CACNA1D: variants seen among roughly 807,000 people sequenced by gnomAD.
CACNA1D encodes the protein voltage-dependent L-type calcium channel subunit alpha-1D.
CACNA1D carries 55 observed loss-of-function variants against 257.1 expected under a neutral mutation model. The observed-to-expected ratio is 0.21, with a 90% CI of 0.17 to 0.27. The LOEUF (loss-of-function observed/expected upper bound fraction) is 0.27. Among genes scored for constraint, CACNA1D ranks in the 10% least tolerant of loss-of-function variants. The pLI, the probability that CACNA1D is intolerant of heterozygous loss-of-function variation, is 1.00. For missense variants in CACNA1D, 1,876 were observed against 2,784.0 expected (o/e 0.67, Z 7.34); for synonymous variants, 980 against 1,014.9 (o/e 0.97, Z 0.65).
intron 44 of CACNA1D, among the ~76,000 whole-genome samples, chr3:53,804,127 G>A (rs146415536): frequency 3.3e-5 from 5 of 152,330 alleles, no homozygotes; most frequent in South Asian, 2.1e-4. Context: ...TTTAGGAGGC[G>A]TAGCAGGCGG....
chr3:53,779,597 G>T (rs552232763), intron 37 of CACNA1D, among the ~76,000 whole-genome samples: 1 of 152,116 alleles, frequency 6.6e-6, no homozygotes, highest in Non-Finnish European at 1.5e-5. Context: ...GGAGCCCATG[G>T]TGTAAGCCTC....
chr3:53,600,504 A>G (rs2093428061), intron 3 of CACNA1D, among the ~76,000 whole-genome samples: 1 of 152,212 alleles, frequency 6.6e-6, no homozygotes, highest in African/African-American at 2.4e-5. Context: ...ACAGACAGGG[A>G]AACTGAGATA....
chr3:53,590,524 G>T (rs2093288348), intron 3 of CACNA1D, among the ~76,000 whole-genome samples: 1 of 152,200 alleles, frequency 6.6e-6, no homozygotes, highest in Non-Finnish European at 1.5e-5. Flanking sequence ...AAATGCCATT[G>T]CCCAGACTGT....
At chr3:53,809,950 G>C (rs1302033784) in intron 46 of CACNA1D, 28 bp from the exon 47 acceptor site, 2 of 1,609,916 alleles carry the variant, frequency 1.2e-6, no homozygotes. Flanking sequence ...AGAACCTCTG[G>C]TCTCCCAACA....
At chr3:53,717,476 C>T (rs2108677582) in intron 9 of CACNA1D, among the ~76,000 whole-genome samples, 1 of 152,314 alleles carries the variant, frequency 6.6e-6, no homozygotes, top group Non-Finnish European at 1.5e-5. Flanking sequence ...AGATGGTGGC[C>T]CTGGGTGGAC....
intron 3 of CACNA1D, among the ~76,000 whole-genome samples, chr3:53,604,209 A>T (rs549696473): frequency 6.6e-6 from 1 of 152,224 alleles, no homozygotes; most frequent in South Asian, 2.1e-4. Flanking sequence ...GAAAAGTGGG[A>T]AGTGGGAATA....
chr3:53,497,811 C>T (rs62250857), intron 2 of CACNA1D, among the ~76,000 whole-genome samples: 2 of 152,102 alleles, frequency 1.3e-5, no homozygotes, highest in Non-Finnish European at 2.9e-5. Flanking sequence ...TGGGCAATAG[C>T]ATGCATTGAA....
At position 53,689,279 on chromosome 3, in the gene CACNA1D, T is replaced by C. The variant is rs568901697; in HGVS notation, c.1221-13362T>C. ...TGCAATGGTGAGGCTGCCAGGGTGC[T>C]CCGTGCTGGCTGGTGAGCAGTGGGC... On this transcript the variant is annotated intron_variant, in intron 8 of 47. Coordinates refer to ENST00000350061, the MANE Select transcript of CACNA1D (RefSeq NM_001128840.3). Among the ~76,000 whole-genome samples, 75 of 149,776 alleles carry C rather than the reference T, an allele frequency of 5.0e-4. 1 individual carries two copies. The highest frequency in any genetic ancestry group is 1.7e-3 in the African/African-American group (68 of 39,470).
At chr3:53,735,922 G>C (rs1232529786) in intron 20 of CACNA1D, among the ~76,000 whole-genome samples, 1 of 152,228 alleles carries the variant, frequency 6.6e-6, no homozygotes, top group African/African-American at 2.4e-5. Context: ...AGGCTGTCTT[G>C]TTCAGGGTTG....
chr3:53,523,755 G>C (rs935694721), intron 3 of CACNA1D, among the ~76,000 whole-genome samples: 5 of 152,242 alleles, frequency 3.3e-5, no homozygotes, highest in Admixed American at 3.3e-4. Flanking sequence ...ATTACGGCAA[G>C]ATCACCAGGG....
Position 53,495,909 on chromosome 3 carries a change from C to A in CACNA1D, c.67+676C>A, listed in dbSNP as rs886385292. ...CACCACGTGCAGCTTCCACGCCGGCCGGGGCTGGGTCGAGGGAGGATGGAG... is the reference window on the plus strand; with the variant it reads ...CACCACGTGCAGCTTCCACGCCGGCAGGGGCTGGGTCGAGGGAGGATGGAG... On this transcript the variant is annotated intron_variant, in intron 1 of 47. Coordinates refer to ENST00000350061, the MANE Select transcript of CACNA1D (RefSeq NM_001128840.3). The surrounding 1 kb of genome is among the most constrained non-coding windows in gnomAD (Gnocchi z 5.1). Among the ~76,000 whole-genome samples, 7 of 152,340 alleles carry A rather than the reference C, an allele frequency of 4.6e-5. No individual in the cohort carries two copies. Among genetic ancestry groups the A allele is most frequent in the South Asian group, 2.1e-4 (1 of 4,828 alleles).
At chr3:53,768,603 C>T (rs182931361) in intron 30 of CACNA1D, among the ~76,000 whole-genome samples, 3 of 152,286 alleles carry the variant, frequency 2.0e-5, no homozygotes, top group Admixed American at 2.0e-4. Context: ...TTTTGATAAA[C>T]CTGTGGCAGA....
At chr3:53,559,504 G>A (rs1353713819) in intron 3 of CACNA1D, among the ~76,000 whole-genome samples, 1 of 152,182 alleles carries the variant, frequency 6.6e-6, no homozygotes, top group Non-Finnish European at 1.5e-5. Flanking sequence ...ATTCTGACCT[G>A]ACTTCTCTGG....
intron 3 of CACNA1D, among the ~76,000 whole-genome samples, chr3:53,507,571 T>C (rs2090911002): frequency 6.6e-6 from 1 of 151,920 alleles, no homozygotes; most frequent in Non-Finnish European, 1.5e-5. Context: ...TGAGCTGTGA[T>C]TATGTTACTG....
chr3:53,716,129 T>C (rs1250590028), intron 9 of CACNA1D, among the ~76,000 whole-genome samples: 1 of 152,252 alleles, frequency 6.6e-6, no homozygotes. Context: ...TAATGACTAA[T>C]GTTCCTACAT....
intron 25 of CACNA1D, among the ~76,000 whole-genome samples, chr3:53,746,809 G>A (rs1375361944): frequency 6.6e-6 from 1 of 152,206 alleles, no homozygotes; most frequent in Non-Finnish European, 1.5e-5. Flanking sequence ...GAAGTTCTGG[G>A]AGAAATAATT....
intron 3 of CACNA1D, among the ~76,000 whole-genome samples, chr3:53,549,702 G>A (rs1329409293): frequency 6.6e-6 from 1 of 152,142 alleles, no homozygotes; most frequent in African/African-American, 2.4e-5. Context: ...TATTACACTT[G>A]CTCATATTTT....
At position 53,800,028 on chromosome 3, in the gene CACNA1D, C is replaced by T; in HGVS notation, c.4924-221C>T. On this transcript the variant is annotated intron_variant, in intron 40 of 47. Transcript: ENST00000350061. The surrounding 1 kb of genome is among the most constrained non-coding windows in gnomAD (Gnocchi z 4.3). ...TTTTGCAAAGGAGGTTACGGGGTTG[C>T]AGGCCTCAGGCATCCTACCTAGGAC... The T allele has an allele frequency of 3.2e-6, 2 of 632,806 alleles. No homozygotes were observed. The highest frequency in any genetic ancestry group is 5.7e-6 in the Non-Finnish European group (2 of 351,860). The allele number at this position is 632,806 out of a possible 1,614,324, so 39.2% of individuals were successfully genotyped here.
Position 53,526,143 on chromosome 3 carries a change from G to A in CACNA1D, c.483+24423G>A, listed in dbSNP as rs1018083159. ...TTCCCATTGTCTCAGATTGGGTCACGCGCACATCCGGAACCAGTTGCAAGG... is the reference window on the plus strand; with the variant it reads ...TTCCCATTGTCTCAGATTGGGTCACACGCACATCCGGAACCAGTTGCAAGG... On this transcript the variant is annotated intron_variant, in intron 3 of 47. Coordinates refer to ENST00000350061, the MANE Select transcript of CACNA1D (RefSeq NM_001128840.3). 5.3e-5 allele frequency among the ~76,000 whole-genome samples: 8 copies of A among 152,322 alleles called. No individual in the cohort carries two copies. The South Asian group carries it at 1.2e-3, about 24-fold the overall frequency.
Sources: gnomAD v4.1 joint callset for allele counts (sites outside exome capture counted in the v4.1 genomes callset) on GRCh38, gnomAD v4.1.1 for gene constraint, Gnocchi (gnomAD v3.1) non-coding constraint, MANE v1.5 for transcripts, NCBI Gene and HGNC (gene_info 2026-07-23, HGNC 2026-07-21) for gene names.